Variants in RFX3 observed in about 807,000 individuals in gnomAD.
The protein encoded by RFX3 is transcription factor RFX3.
In RFX3, 14 loss-of-function variants were observed where a neutral mutation model predicts 98.6. The observed-to-expected ratio is 0.14, with a 90% CI of 0.09 to 0.22. RFX3 has a LOEUF of 0.22. RFX3 is among the 10% of genes least tolerant of loss of function. RFX3 has a pLI of 1.00. For synonymous variants in RFX3, 383 were observed against 328.4 expected (o/e 1.17, Z -1.80); for missense variants, 639 against 926.9 (o/e 0.69, Z 4.03).
At chr9:3,485,604 T>C (rs955336652) in intron 1 of RFX3, among the ~76,000 whole-genome samples, 1 of 152,194 alleles carries the variant, frequency 6.6e-6, no homozygotes, top group African/African-American at 2.4e-5. Flanking sequence ...GAATTTGTAA[T>C]CTCTCTCAGA....
At chr9:3,456,613 A>G (rs1359234990) in intron 1 of RFX3, among the ~76,000 whole-genome samples, 3 of 152,204 alleles carry the variant, frequency 2.0e-5, no homozygotes, top group Admixed American at 2.0e-4. Flanking sequence ...TCATTCATCA[A>G]ATTATTTCAA....
chr9:3,394,650 C>T (rs997885735), intron 2 of RFX3: 1 of 165,986 alleles, frequency 6.0e-6, no homozygotes, highest in African/African-American at 2.4e-5. Flanking sequence ...CTATATCCTT[C>T]TCCCTAACCA....
chr9:3,308,296 G>T (rs1368979977), intron 4 of RFX3, among the ~76,000 whole-genome samples: 1 of 152,076 alleles, frequency 6.6e-6, no homozygotes, highest in African/African-American at 2.4e-5. Flanking sequence ...TCAAATGGTG[G>T]GGTGAGCCAT....
At chr9:3,437,927 G>A (rs1167718484) in intron 1 of RFX3, among the ~76,000 whole-genome samples, 1 of 151,996 alleles carries the variant, frequency 6.6e-6, no homozygotes, top group African/African-American at 2.4e-5. Flanking sequence ...GGGAAAGAAT[G>A]GGTAGAGAGA....
chr9:3,332,023 T>A (rs1019097846), intron 3 of RFX3, among the ~76,000 whole-genome samples: 2 of 152,152 alleles, frequency 1.3e-5, no homozygotes, highest in African/African-American at 2.4e-5. Flanking sequence ...AGCACCACCA[T>A]CCTCAGCTTT....
chr9:3,283,708 T>C (rs550067352), intron 7 of RFX3, among the ~76,000 whole-genome samples: 8 of 151,902 alleles, frequency 5.3e-5, no homozygotes, highest in South Asian at 2.1e-4. Flanking sequence ...CTTCACATCC[T>C]GTGAAAGAAA....
intron 2 of RFX3, among the ~76,000 whole-genome samples, chr9:3,391,820 C>T (rs911519889): frequency 6.6e-6 from 1 of 152,160 alleles, no homozygotes; most frequent in Admixed American, 6.5e-5. Flanking sequence ...CTCTACCAAC[C>T]CCTACGCAGT....
intron 1 of RFX3, chr9:3,420,638 T>G: frequency 3.9e-6 from 1 of 254,860 alleles, no homozygotes; most frequent in Non-Finnish European, 6.2e-6. Flanking sequence ...GTCTTTCAGC[T>G]GCATCACCGT....
intron 1 of RFX3, among the ~76,000 whole-genome samples, chr9:3,398,273 G>A (rs1166804395): frequency 6.6e-6 from 1 of 151,828 alleles, no homozygotes; most frequent in Non-Finnish European, 1.5e-5. Flanking sequence ...AAAATTTGGG[G>A]AGAGAATACA....
At chr9:3,342,952 A>G (rs1834056188) in intron 3 of RFX3, among the ~76,000 whole-genome samples, 1 of 152,228 alleles carries the variant, frequency 6.6e-6, no homozygotes, top group Non-Finnish European at 1.5e-5. Context: ...TTGAGCAAAA[A>G]GGTACTCTAT....
chr9:3,411,600 C>T (rs1466409832), intron 1 of RFX3, among the ~76,000 whole-genome samples: 1 of 151,964 alleles, frequency 6.6e-6, no homozygotes, highest in East Asian at 1.9e-4. Flanking sequence ...CCCAGCCTCC[C>T]GAGTAGCTGG....
At chr9:3,394,186 G>A (rs1331892633) in intron 2 of RFX3, among the ~76,000 whole-genome samples, 3 of 151,962 alleles carry the variant, frequency 2.0e-5, no homozygotes, top group Non-Finnish European at 1.5e-5. Context: ...CAAAATGGCC[G>A]GGCACAGTAG....
intron 15 of RFX3, among the ~76,000 whole-genome samples, chr9:3,242,640 T>C (rs2130879688): frequency 6.6e-6 from 1 of 152,308 alleles, no homozygotes; most frequent in Admixed American, 6.5e-5. Context: ...ACTGAGCTTT[T>C]ATCCCAAAAG....
intron 1 of RFX3, among the ~76,000 whole-genome samples, chr9:3,472,094 T>C (rs973004290): frequency 1.3e-5 from 2 of 152,226 alleles, no homozygotes; most frequent in African/African-American, 2.4e-5. Context: ...AAATAAAATA[T>C]AATCTTAGGC....
chr9:3,480,308 T>C (rs1849627564), intron 1 of RFX3, among the ~76,000 whole-genome samples: 2 of 152,212 alleles, frequency 1.3e-5, no homozygotes, highest in East Asian at 3.9e-4. Context: ...TCCCTCTCCA[T>C]GTGGCCTCTT....
At chr9:3,457,974 G>C (rs1847344616) in intron 1 of RFX3, among the ~76,000 whole-genome samples, 1 of 152,074 alleles carries the variant, frequency 6.6e-6, no homozygotes, top group African/African-American at 2.4e-5. Flanking sequence ...ACTAGCTCAA[G>C]CATGAAATAG....
chr9:3,504,972 A>AATATATAATATATC (rs1587885925), intron 1 of RFX3, among the ~76,000 whole-genome samples: 5 of 66,272 alleles, frequency 7.5e-5, no homozygotes, highest in African/African-American at 3.4e-4. Context: ...TATAATATAT[A>AATATATAATATATC]TTATATAATA....
intron 4 of RFX3, among the ~76,000 whole-genome samples, chr9:3,317,740 C>T (rs1830793009): frequency 6.6e-6 from 1 of 152,196 alleles, no homozygotes; most frequent in African/African-American, 2.4e-5. Flanking sequence ...CAAAAGAAGA[C>T]ATTTATGCAG....
At chr9:3,304,296 T>C (rs186473656) in intron 4 of RFX3, among the ~76,000 whole-genome samples, 220 of 152,136 alleles carry the variant, frequency 1.4e-3, no homozygotes, top group South Asian at 2.7e-3. Flanking sequence ...ATCATAGCCC[T>C]GATTACATTT....
Sources: gnomAD v4.1 joint callset for allele counts (sites outside exome capture counted in the v4.1 genomes callset) on GRCh38, gnomAD v4.1.1 for gene constraint, MANE v1.5 for transcripts, NCBI Gene and HGNC (gene_info 2026-07-23, HGNC 2026-07-21) for gene names.